STK32A: variants seen among roughly 807,000 people sequenced by gnomAD.
STK32A encodes serine/threonine-protein kinase 32A.
Under a neutral mutation model 53.2 loss-of-function variants are expected in STK32A, and 41 were observed. The ratio of observed to expected loss-of-function variants is 0.77; its 90% CI spans 0.60 to 1.00. STK32A has a LOEUF of 1.00. Ranked by LOEUF, STK32A falls within the 50% of genes least tolerant of loss-of-function variation. STK32A has a pLI of 0.00. For synonymous variants in STK32A, 166 were observed against 162.8 expected (o/e 1.02, Z -0.15); for missense variants, 458 against 485.8 (o/e 0.94, Z 0.54).
At chr5:147,343,182 A>G (rs914890851) in intron 6 of STK32A, 139 bp downstream of exon 6, 5 of 888,772 alleles carry the variant, frequency 5.6e-6, no homozygotes, top group Non-Finnish European at 9.4e-6. Flanking sequence ...CCTCATAGAC[A>G]ATATGGGGGA....
intron 6 of STK32A, chr5:147,348,757 T>C (rs369879220): frequency 2.6e-6 from 2 of 763,366 alleles, no homozygotes; most frequent in African/African-American, 3.4e-5. Flanking sequence ...CCCAGGCACA[T>C]GTATTTTGCA....
chr5:147,365,033 T>C (rs1756683224), intron 8 of STK32A, among the ~76,000 whole-genome samples: 1 of 152,146 alleles, frequency 6.6e-6, no homozygotes, highest in Non-Finnish European at 1.5e-5. Flanking sequence ...ACTGCAGCTC[T>C]CCTCTCCTAA....
chr5:147,394,639 C>T, the STK32A span, among the ~76,000 whole-genome samples: 1 of 151,520 alleles, frequency 6.6e-6, no homozygotes, highest in South Asian at 2.1e-4. Context: ...AGAAAGGAGC[C>T]TCTAAAAGCT....
At chr5:147,377,320 T>A (rs888892275) in intron 11 of STK32A, among the ~76,000 whole-genome samples, 2 of 152,136 alleles carry the variant, frequency 1.3e-5, no homozygotes, top group African/African-American at 4.8e-5. Flanking sequence ...ATACCTGTTT[T>A]GTGGTTTCCT....
chr5:147,346,362 C>T (rs558119196), intron 6 of STK32A, among the ~76,000 whole-genome samples: 2 of 152,256 alleles, frequency 1.3e-5, no homozygotes, highest in South Asian at 2.1e-4. Context: ...TCTGGTGCCC[C>T]CTATGCGCAT....
chr5:147,396,110 A>T, the STK32A span, among the ~76,000 whole-genome samples: 5 of 152,164 alleles, frequency 3.3e-5, no homozygotes, highest in Admixed American at 3.3e-4. Context: ...GAACAGCAGT[A>T]CAGCTGGAGC....
chr5:147,343,136 A>T (rs1755520805), intron 6 of STK32A, 93 bp downstream of exon 6: 1 of 1,354,598 alleles, frequency 7.4e-7, no homozygotes, highest in African/African-American at 1.4e-5. Flanking sequence ...TGAAAAAGGT[A>T]TTTTGTTCTA....
intron 2 of STK32A, among the ~76,000 whole-genome samples, chr5:147,268,516 T>C (rs1049149333): frequency 3.9e-5 from 6 of 152,192 alleles, no homozygotes; most frequent in African/African-American, 9.7e-5. Context: ...GTAATCAAAA[T>C]AGGATCTATA....
chr5:147,311,248 A>G (rs1009347409), intron 4 of STK32A, among the ~76,000 whole-genome samples: 23 of 152,304 alleles, frequency 1.5e-4, no homozygotes, highest in Admixed American at 7.8e-4. Flanking sequence ...TTCTATAACT[A>G]CATATTTGTT....
At chr5:147,369,896 T>A (rs1756931720) in intron 8 of STK32A, among the ~76,000 whole-genome samples, 3 of 152,176 alleles carry the variant, frequency 2.0e-5, no homozygotes, top group Non-Finnish European at 4.4e-5. Flanking sequence ...ATAAGAGACA[T>A]GAAATTTCAG....
At chr5:147,399,072 C>T in the STK32A span, 28 of 1,613,234 alleles carry the variant, frequency 1.7e-5, no homozygotes, top group Non-Finnish European at 2.2e-5. Context: ...CCCACCAGAG[C>T]GGGCCTTACA....
At chr5:147,312,640 G>C (rs17481288) in intron 4 of STK32A, among the ~76,000 whole-genome samples, 31,824 of 152,146 alleles carry the variant, frequency 0.21, 3,492 homozygotes, top group Middle Eastern at 0.24. Flanking sequence ...TTATGAGACA[G>C]AGAAGTAAGT....
intron 2 of STK32A, among the ~76,000 whole-genome samples, chr5:147,257,621 CTCGGGTGTGATGAG>C (rs1754293233): frequency 6.6e-6 from 1 of 152,062 alleles, no homozygotes; most frequent in South Asian, 2.1e-4. Flanking sequence ...GCTTTCTTGA[CTCGGGTGTGATGAG>C]TCCATCCCTT....
chr5:147,375,422 C>T (rs949731810), intron 11 of STK32A: 62 of 476,250 alleles, frequency 1.3e-4, no homozygotes, highest in Middle Eastern at 5.6e-4. Context: ...GTAGGCTTTC[C>T]GTCTAGAGTT....
At chr5:147,348,825 G>C (rs1350494977) in intron 6 of STK32A, 1 of 711,294 alleles carries the variant, frequency 1.4e-6, no homozygotes, top group African/African-American at 1.8e-5. Flanking sequence ...CTTACTTCTT[G>C]CCAAATGCTG....
chr5:147,279,642 G>A (rs1751956245), intron 4 of STK32A, among the ~76,000 whole-genome samples: 1 of 152,300 alleles, frequency 6.6e-6, no homozygotes, highest in East Asian at 1.9e-4. Context: ...GTAAGGGGGG[G>A]TTTGAGGCTG....
At chr5:147,395,480 G>A in the STK32A span, 1 of 1,523,800 alleles carries the variant, frequency 6.6e-7, no homozygotes, top group South Asian at 1.2e-5. Flanking sequence ...GTTGAGTTCT[G>A]AGGAACACCC....
At chr5:147,355,673 G>A (rs1172099795) in intron 7 of STK32A, among the ~76,000 whole-genome samples, 5 of 151,176 alleles carry the variant, frequency 3.3e-5, no homozygotes, top group African/African-American at 4.9e-5. Flanking sequence ...GCGAGATTCC[G>A]TCTCAAAAAA....
chr5:147,242,167 G>C (rs1482417690), intron 2 of STK32A, among the ~76,000 whole-genome samples: 1 of 152,150 alleles, frequency 6.6e-6, no homozygotes, highest in Non-Finnish European at 1.5e-5. Flanking sequence ...AGCCCAATGA[G>C]ATGAACCCAC....
Sources: allele counts gnomAD v4.1 joint callset (sites outside exome capture counted in the v4.1 genomes callset), GRCh38; gene constraint gnomAD v4.1.1; transcripts MANE v1.5; gene names NCBI Gene and HGNC (gene_info 2026-07-23, HGNC 2026-07-21).